The following SLC1A6 variants were observed in gnomAD, a reference collection of about 807,000 sequenced individuals.
SLC1A6 encodes the protein solute carrier family 1 member 6, also known as excitatory amino acid transporter 4.
Under a neutral mutation model 42.1 loss-of-function variants are expected in SLC1A6, and 15 were observed. The observed-to-expected ratio is 0.36, with a 90% CI of 0.24 to 0.55. SLC1A6 has a LOEUF of 0.55. Ranked by LOEUF, SLC1A6 falls within the 20% of genes least tolerant of loss-of-function variation. The pLI is 0.88. For synonymous variants in SLC1A6, 317 were observed against 319.7 expected, an observed-to-expected ratio of 0.99 and a Z score of 0.09; for missense variants, 542 against 772.5, an observed-to-expected ratio of 0.70 and a Z score of 3.54.
upstream of SLC1A6, among the ~76,000 whole-genome samples, chr19:14,984,834 T>C (rs2045785305): frequency 1.3e-5 from 2 of 152,156 alleles, no homozygotes; most frequent in African/African-American, 4.8e-5. Context: ...GTTCTCAGAG[T>C]CGTGAATACA....
At chr19:14,965,023 C>CTT (rs35846543) in intron 4 of SLC1A6, among the ~76,000 whole-genome samples, 19 of 140,000 alleles carry the variant, frequency 1.4e-4, no homozygotes, top group South Asian at 1.2e-3. Context: ...ATGGAGATTT[C>CTT]TTTTTTTTTT....
chr19:14,970,735 A>G (rs2045630495), intron 3 of SLC1A6, among the ~76,000 whole-genome samples: 1 of 151,984 alleles, frequency 6.6e-6, no homozygotes, highest in Non-Finnish European at 1.5e-5. Flanking sequence ...TATAGTATAT[A>G]ATACTTACAG....
intron 1 of SLC1A6, among the ~76,000 whole-genome samples, chr19:15,003,892 A>C (rs1219130887): frequency 6.6e-6 from 1 of 152,220 alleles, no homozygotes; most frequent in Admixed American, 6.5e-5. Context: ...GTGGTGGTTC[A>C]TGCCTGTAAT....
In SLC1A6 at chr19:14,956,562, G is replaced by C; in HGVS notation, c.1083C>G (p.Ile361Met). The C allele has an allele frequency of 1.2e-6, 2 of 1,613,816 alleles. No individual in the cohort carries two copies. The highest frequency in any genetic ancestry group is 1.7e-6 in the Non-Finnish European group (2 of 1,179,872). The change falls in exon 7 of 10, where the codon ATC becomes ATG. Residue 361 changes from isoleucine (I) to methionine (M), a missense_variant. Transcript: ENST00000594383. ...GGTTCCGGTGAGTGACGAGGAAGTA[G>C]ATGAGGGGAAGGACAATGCCGGCAT... ...FLHAGIVLPL[I>M]YFLVTHRNPF...
At chr19:14,952,776 G>T in intron 9 of SLC1A6, 152 bp downstream of exon 9, 2 of 864,680 alleles carry the variant, frequency 2.3e-6, no homozygotes, top group Non-Finnish European at 3.3e-6. Context: ...AGAGGCCATG[G>T]ATTGGAGGCC....
intron 1 of SLC1A6, among the ~76,000 whole-genome samples, chr19:14,988,001 G>T (rs1273333747): frequency 6.6e-6 from 1 of 152,112 alleles, no homozygotes; most frequent in Non-Finnish European, 1.5e-5. Flanking sequence ...TGAGACCACA[G>T]ATGTATACTA....
intron 7 of SLC1A6, among the ~76,000 whole-genome samples, chr19:14,955,635 G>GA (rs1038424524): frequency 8.8e-6 from 1 of 114,170 alleles, no homozygotes; most frequent in Admixed American, 8.2e-5. Context: ...AAAAGAAAAA[G>GA]AAAAAAAAGA....
intron 1 of SLC1A6, among the ~76,000 whole-genome samples, chr19:14,997,477 G>C (rs1006970206): frequency 1.3e-5 from 2 of 152,082 alleles, no homozygotes; most frequent in African/African-American, 4.8e-5. Flanking sequence ...CAGATATTTG[G>C]GGTTCATAGC....
At chr19:14,960,824 A>G (rs2045503386) in intron 6 of SLC1A6, among the ~76,000 whole-genome samples, 1 of 152,170 alleles carries the variant, frequency 6.6e-6, no homozygotes, top group Non-Finnish European at 1.5e-5. Context: ...GTTAAATAGG[A>G]GAAATAAGTT....
chr19:15,008,945 G>A (rs1036313124), intron 1 of SLC1A6, among the ~76,000 whole-genome samples: 6 of 151,184 alleles, frequency 4.0e-5, no homozygotes, highest in East Asian at 1.9e-4. Flanking sequence ...GCAGTGAGCC[G>A]AGATCATGCC....
chr19:14,960,874 A>T (rs2045503832), intron 6 of SLC1A6, among the ~76,000 whole-genome samples: 1 of 152,108 alleles, frequency 6.6e-6, no homozygotes, highest in South Asian at 2.1e-4. Context: ...ATAGTTAAAA[A>T]CAATGTATTG....
intron 1 of SLC1A6, among the ~76,000 whole-genome samples, chr19:14,997,450 T>C (rs2045852452): frequency 6.6e-6 from 1 of 152,178 alleles, no homozygotes; most frequent in Admixed American, 6.6e-5. Flanking sequence ...ACTTCCTAAA[T>C]TGACTGATAA....
chr19:14,958,525 C>A (rs549126916), intron 6 of SLC1A6, among the ~76,000 whole-genome samples: 59 of 152,140 alleles, frequency 3.9e-4, no homozygotes, highest in Non-Finnish European at 7.8e-4. Context: ...AATGAGGATG[C>A]ACGGGGCTTC....
intron 8 of SLC1A6, among the ~76,000 whole-genome samples, chr19:14,953,503 C>T (rs2045432540): frequency 6.6e-6 from 1 of 151,922 alleles, no homozygotes; most frequent in South Asian, 2.1e-4. Context: ...GATCCACCCA[C>T]CTCGGCCTCC....
At chr19:14,955,196 G>GACCT (rs1223382465) in intron 7 of SLC1A6, among the ~76,000 whole-genome samples, 1 of 152,160 alleles carries the variant, frequency 6.6e-6, no homozygotes, top group Non-Finnish European at 1.5e-5. Context: ...GTGACTATGT[G>GACCT]AGTTTAATTC....
At chr19:14,982,493 C>A (rs1162890571), upstream of SLC1A6, among the ~76,000 whole-genome samples, 1 of 152,206 alleles carries the variant, frequency 6.6e-6, no homozygotes, top group East Asian at 1.9e-4. Context: ...CGTGCCACTG[C>A]ACTCCAGCCT....
intron 3 of SLC1A6, 112 bp downstream of exon 3, chr19:14,971,625 T>G: frequency 9.4e-7 from 1 of 1,060,020 alleles, no homozygotes; most frequent in Non-Finnish European, 1.4e-6. Context: ...GGCTCCATGT[T>G]TGAGGTGCCG....
At chr19:14,972,566 G>T in intron 2 of SLC1A6, 140 bp downstream of exon 2, 2 of 670,960 alleles carry the variant, frequency 3.0e-6, no homozygotes, top group Non-Finnish European at 5.3e-6. Context: ...TATGTGGGGG[G>T]TTGAGGGTGA....
rs2045884676 is a variant in SLC1A6 at position 15,004,011 on chromosome 19, C to T, written c.6+6474G>A. Among the ~76,000 whole-genome samples the T allele has an allele frequency of 2.6e-5, 4 of 152,108 alleles. No homozygotes were observed. In the South Asian group the frequency reaches 8.3e-4, roughly 32 times the overall value. ...TCTCTATTAAAATACAAAAAATTAG[C>T]TGGGCGTGGTGGTGGGCCCCTGTAG... On this transcript the variant is annotated intron_variant, in intron 1 of 8. Transcript: ENST00000430939.
Sources: gnomAD v4.1 joint callset for allele counts (sites outside exome capture counted in the v4.1 genomes callset) on GRCh38, gnomAD v4.1.1 for gene constraint, MANE v1.5 for transcripts, NCBI Gene and HGNC (gene_info 2026-07-23, HGNC 2026-07-21) for gene names.